The following MTMR8 variants were observed in gnomAD, a reference collection of about 807,000 sequenced individuals.
The protein encoded by MTMR8 is phosphatidylinositol-3,5-bisphosphate 3-phosphatase MTMR8.
MTMR8 carries 65 observed loss-of-function variants against 39.3 expected under a neutral mutation model. That is an observed-to-expected ratio of 1.65 (90% confidence interval 1.35 to 2.03). MTMR8 has a LOEUF of 2.03. Among genes scored for constraint, MTMR8 ranks in the 30% most tolerant of loss-of-function variants. The pLI is 0.00. For synonymous variants in MTMR8, 245 were observed against 185.2 expected (o/e 1.32, Z -2.62); for missense variants, 777 against 538.9 (o/e 1.44, Z -4.37).
chrX:64,355,358 A>G (rs1024441114), intron 3 of MTMR8, among the ~76,000 whole-genome samples: 2 of 111,727 alleles, frequency 1.8e-5, no homozygotes, highest in Non-Finnish European at 3.8e-5. Flanking sequence ...TGTCAGACCA[A>G]CAGCAACTTC....
At chrX:64,297,335 T>C (rs1921649961) in intron 12 of MTMR8, among the ~76,000 whole-genome samples, 1 of 110,167 alleles carries the variant, frequency 9.1e-6, no homozygotes, top group Non-Finnish European at 1.9e-5. Context: ...TGGCTAGTGA[T>C]GATGAGCATT....
chrX:64,379,201 A>G (rs761038175), intron 1 of MTMR8, among the ~76,000 whole-genome samples: 19 of 111,873 alleles, frequency 1.7e-4, no homozygotes, highest in Non-Finnish European at 2.1e-4. Context: ...CCACCAAACA[A>G]TTAACAAAAA....
chrX:64,298,027 C>T (rs1921686912), intron 12 of MTMR8, among the ~76,000 whole-genome samples: 1 of 83,173 alleles, frequency 1.2e-5, no homozygotes, highest in Non-Finnish European at 2.3e-5. Context: ...ATGCCTCCAG[C>T]TTTGTTCTTT....
intron 1 of MTMR8, among the ~76,000 whole-genome samples, chrX:64,380,422 C>T (rs1172728726): frequency 8.9e-6 from 1 of 112,547 alleles, no homozygotes; most frequent in Non-Finnish European, 1.9e-5. Context: ...TCGGGCTCCA[C>T]CCTCAAAGGT....
chrX:64,358,256 G>A (rs1923678896), intron 2 of MTMR8, among the ~76,000 whole-genome samples: 1 of 111,688 alleles, frequency 9.0e-6, no homozygotes, highest in Admixed American at 9.5e-5. Context: ...TAGCCAGTTA[G>A]CATCAGAGCT....
At position 64,367,579 on chromosome X, in the gene MTMR8, C is replaced by T. The variant is rs1209197634; in HGVS notation, c.25-8052G>A. The stretch of plus-strand genomic sequence containing the variant: ...CAACAGCCCTTCATGCTAAAAACTC[C>T]CAATAAATTAGGTATTGATGGAACG... On this transcript the variant is annotated intron_variant, in intron 1 of 13. Coordinates refer to ENST00000374852, the MANE Select transcript of MTMR8 (RefSeq NM_017677.4). Among the ~76,000 whole-genome samples the T allele has an allele frequency of 4.5e-5, 5 of 111,329 alleles. No individual in the cohort carries two copies. The East Asian group carries it at 8.5e-4, about 19-fold the overall frequency.
intron 12 of MTMR8, among the ~76,000 whole-genome samples, chrX:64,278,882 G>A (rs1299980584): frequency 9.0e-6 from 1 of 111,563 alleles, no homozygotes; most frequent in Non-Finnish European, 1.9e-5. Flanking sequence ...CTATTTGCCT[G>A]GTTATCACCA....
chrX:64,313,244 T>C (rs1922367178), intron 12 of MTMR8, among the ~76,000 whole-genome samples: 1 of 112,531 alleles, frequency 8.9e-6, no homozygotes, highest in Non-Finnish European at 1.9e-5. Context: ...ACCAATTATC[T>C]TAGCTAGATC....
chrX:64,284,238 C>A lies in MTMR8; in HGVS notation c.1482-13165G>T, dbSNP rs755715944. 3.6e-5 allele frequency among the ~76,000 whole-genome samples: 4 copies of A among 111,436 alleles called. No individual in the cohort carries two copies. In the South Asian group the frequency reaches 1.5e-3, roughly 42 times the overall value. ...AAAGGGTATCAATGATTGAAGACCA[C>A]ATGAATGAAATGAAGTGAGAAGAGA... is the stretch of plus-strand genomic sequence containing the variant. On this transcript the variant is annotated intron_variant, in intron 12 of 13. Coordinates refer to ENST00000374852, the MANE Select transcript of MTMR8 (RefSeq NM_017677.4).
At chrX:64,293,332 A>G (rs1049568920) in intron 12 of MTMR8, among the ~76,000 whole-genome samples, 5 of 111,167 alleles carry the variant, frequency 4.5e-5, no homozygotes, top group African/African-American at 1.3e-4. Context: ...AATCAAAATT[A>G]CTATCAACAG....
chrX:64,384,701 G>A lies in MTMR8; in HGVS notation c.24+10639C>T, dbSNP rs777116711. Among the ~76,000 whole-genome samples the A allele has an allele frequency of 8.9e-5, 10 of 112,468 alleles. No homozygotes were observed. The South Asian group carries it at 2.2e-3, about 25-fold the overall frequency. ...GCTGGAGCCAGAGTAGCCCAGATTT[G>A]AGAACCAGTGTCTTAAGGATGCCCA... On this transcript the variant is annotated intron_variant, in intron 1 of 13. Transcript: ENST00000374852.
chrX:64,318,571 T>C (rs1011265550), intron 12 of MTMR8, among the ~76,000 whole-genome samples: 7 of 111,464 alleles, frequency 6.3e-5, no homozygotes, highest in African/African-American at 2.3e-4. Flanking sequence ...TGCCTTCTAC[T>C]CTGAATTTTT....
At chrX:64,280,796 A>T (rs1931990441) in intron 12 of MTMR8, among the ~76,000 whole-genome samples, 1 of 111,565 alleles carries the variant, frequency 9.0e-6, no homozygotes, top group Admixed American at 9.6e-5. Context: ...TATCCAGAAA[A>T]CATTATTGTC....
chrX:64,340,769 C>A (rs1222127210), intron 8 of MTMR8, among the ~76,000 whole-genome samples: 1 of 111,636 alleles, frequency 9.0e-6, no homozygotes, highest in Non-Finnish European at 1.9e-5. Context: ...CACTGGTGGA[C>A]AGAAAATGAT....
At chrX:64,296,916 T>C (rs1380355714) in intron 12 of MTMR8, among the ~76,000 whole-genome samples, 1 of 103,662 alleles carries the variant, frequency 9.6e-6, no homozygotes, top group Non-Finnish European at 2.0e-5. Flanking sequence ...GAACTCATCA[T>C]TTTTTATGGC....
intron 12 of MTMR8, among the ~76,000 whole-genome samples, chrX:64,285,401 C>T (rs1386957653): frequency 2.7e-5 from 3 of 110,964 alleles, no homozygotes; most frequent in South Asian, 3.9e-4. Context: ...ACTGTCAACA[C>T]TAGACAGATC....
chrX:64,371,118 C>T (rs1924120725), intron 1 of MTMR8, among the ~76,000 whole-genome samples: 1 of 112,168 alleles, frequency 8.9e-6, no homozygotes, highest in African/African-American at 3.2e-5. Context: ...TGACACTCCA[C>T]ACCAGCCTAA....
chrX:64,386,060 A>G (rs919598582), intron 1 of MTMR8, among the ~76,000 whole-genome samples: 1 of 111,067 alleles, frequency 9.0e-6, no homozygotes, highest in Non-Finnish European at 1.9e-5. Context: ...TACCTGAATC[A>G]GCTTAATAAG....
intron 12 of MTMR8, among the ~76,000 whole-genome samples, chrX:64,277,324 G>C (rs111496509): frequency 2.7e-5 from 3 of 111,748 alleles, no homozygotes; most frequent in African/African-American, 9.8e-5. Flanking sequence ...CAGTTGATGC[G>C]ATTTCTTCAT....
Sources: gnomAD v4.1 joint callset for allele counts (sites outside exome capture counted in the v4.1 genomes callset) on GRCh38, gnomAD v4.1.1 for gene constraint, MANE v1.5 for transcripts, NCBI Gene and HGNC (gene_info 2026-07-23, HGNC 2026-07-21) for gene names.